The following SPATA6 variants were observed in gnomAD, a reference collection of about 807,000 sequenced individuals.
The protein encoded by SPATA6 is spermatogenesis-associated protein 6.
SPATA6 carries 56 observed loss-of-function variants against 65.3 expected under a neutral mutation model. The observed-to-expected ratio is 0.86, with a 90% CI of 0.69 to 1.07. SPATA6 has a LOEUF of 1.07. Ranked by LOEUF, SPATA6 falls within the 50% of genes least tolerant of loss-of-function variation. SPATA6 has a pLI of 0.00. For missense variants in SPATA6, 590 were observed against 594.8 expected (o/e 0.99, Z 0.08); for synonymous variants, 199 against 213.2 (o/e 0.93, Z 0.58).
At chr1:48,319,592 G>A (rs144509334) in intron 11 of SPATA6, among the ~76,000 whole-genome samples, 25 of 152,262 alleles carry the variant, frequency 1.6e-4, no homozygotes, top group African/African-American at 6.0e-4. Flanking sequence ...AAGCAGGACT[G>A]GCGCAGAGCT....
At position 48,411,510 on chromosome 1, in the gene SPATA6, T is replaced by C. The variant is rs748611294; in HGVS notation, c.359A>G (p.His120Arg). ...FPGPNQMSGH[H>R]DSNRQVTMRR... is the part of the protein sequence containing the mutation. ...CATGGTAACCTGGCGGTTTGAATCA[T>C]GGTGTCCAGACATTTGGTTTGGACC... The change falls in exon 5 of 13, where the codon CAT (histidine) becomes CGT (arginine). Residue 120 changes from histidine to arginine, a missense_variant. His to Arg is a conservative substitution (Grantham distance 29). Transcript: ENST00000371847. 7 of 1,611,170 alleles carry C rather than the reference T, an allele frequency of 4.3e-6. No individual in the cohort carries two copies. The highest frequency in any genetic ancestry group is 5.9e-6 in the Non-Finnish European group (7 of 1,178,702).
At chr1:48,367,574 C>CT (rs1410456693) in intron 9 of SPATA6, among the ~76,000 whole-genome samples, 1 of 152,026 alleles carries the variant, frequency 6.6e-6, no homozygotes, top group Non-Finnish European at 1.5e-5. Flanking sequence ...CTCTTTTGAT[C>CT]TTTGTTGGTT....
intron 1 of SPATA6, among the ~76,000 whole-genome samples, chr1:48,465,963 G>T (rs929443233): frequency 6.6e-6 from 1 of 152,054 alleles, no homozygotes; most frequent in Non-Finnish European, 1.5e-5. Context: ...ATTATAAACA[G>T]GTTTTTCATC....
At chr1:48,291,516 G>A (rs1164287956), downstream of SPATA6, among the ~76,000 whole-genome samples, 5 of 152,270 alleles carry the variant, frequency 3.3e-5, no homozygotes, top group South Asian at 2.1e-4. Context: ...GGGGAAAGTC[G>A]GCAGCCACAG....
intron 8 of SPATA6, among the ~76,000 whole-genome samples, chr1:48,390,641 A>C (rs1216524755): frequency 6.6e-6 from 1 of 152,264 alleles, no homozygotes; most frequent in Non-Finnish European, 1.5e-5. Flanking sequence ...ATCATCACAC[A>C]TTCCACACAA....
chr1:48,277,516 CAGG>C, the SPATA6 span, among the ~76,000 whole-genome samples: 1 of 152,222 alleles, frequency 6.6e-6, no homozygotes, highest in Non-Finnish European at 1.5e-5. Flanking sequence ...AACGGTGCAC[CAGG>C]AGATTATATC....
At chr1:48,399,776 C>G in intron 6 of SPATA6, 132 bp from the exon 7 acceptor site, 2 of 745,426 alleles carry the variant, frequency 2.7e-6, no homozygotes, top group Non-Finnish European at 4.2e-6. Flanking sequence ...TCCTTCCTAT[C>G]TGTGCTGATC....
chr1:48,341,388 T>C (rs1403148553), intron 11 of SPATA6, among the ~76,000 whole-genome samples: 1 of 149,406 alleles, frequency 6.7e-6, no homozygotes, highest in Admixed American at 6.6e-5. Context: ...TCTTATGCTG[T>C]CCTGCTCCGT....
intron 10 of SPATA6, among the ~76,000 whole-genome samples, chr1:48,357,804 T>C (rs939279444): frequency 6.6e-6 from 1 of 152,144 alleles, no homozygotes; most frequent in Non-Finnish European, 1.5e-5. Flanking sequence ...ACAAGATATT[T>C]AGAAAATACA....
intron 11 of SPATA6, among the ~76,000 whole-genome samples, chr1:48,313,633 C>T (rs888493412): frequency 9.9e-5 from 15 of 152,134 alleles, no homozygotes; most frequent in African/African-American, 2.4e-4. Flanking sequence ...GAAACTGCAT[C>T]AACTAATGAG....
At chr1:48,313,577 C>A (rs917002982) in intron 11 of SPATA6, among the ~76,000 whole-genome samples, 2 of 152,294 alleles carry the variant, frequency 1.3e-5, no homozygotes, top group East Asian at 3.9e-4. Context: ...CTGGTACCAG[C>A]CACTGCAAAA....
intron 10 of SPATA6, among the ~76,000 whole-genome samples, chr1:48,356,973 A>C (rs187537110): frequency 6.6e-6 from 1 of 152,282 alleles, no homozygotes. Flanking sequence ...ATACATTAGC[A>C]GACTTTGTTA....
chr1:48,336,417 G>A (rs1472828434), intron 11 of SPATA6, among the ~76,000 whole-genome samples: 1 of 151,884 alleles, frequency 6.6e-6, no homozygotes, highest in Admixed American at 6.6e-5. Context: ...AAGAGAATGT[G>A]GTACATACAT....
intron 9 of SPATA6, among the ~76,000 whole-genome samples, chr1:48,379,623 G>T (rs1481882770): frequency 6.6e-6 from 1 of 152,140 alleles, no homozygotes; most frequent in Non-Finnish European, 1.5e-5. Context: ...ATTTGTCTTA[G>T]CAGAGAAAAT....
chr1:48,336,667 A>G (rs995874297), intron 11 of SPATA6, among the ~76,000 whole-genome samples: 1 of 151,896 alleles, frequency 6.6e-6, no homozygotes, highest in African/African-American at 2.4e-5. Context: ...TTCAAGAAAA[A>G]AAAAAGTCAA....
intron 11 of SPATA6, among the ~76,000 whole-genome samples, chr1:48,332,048 C>T (rs941737051): frequency 5.9e-5 from 9 of 152,060 alleles, no homozygotes; most frequent in Admixed American, 2.0e-4. Context: ...TTTGTTAACA[C>T]GAGACCTACC....
intron 1 of SPATA6, among the ~76,000 whole-genome samples, chr1:48,462,732 A>C (rs1022711420): frequency 1.3e-5 from 2 of 152,164 alleles, no homozygotes; most frequent in Non-Finnish European, 1.5e-5. Context: ...GAAATAACAA[A>C]CATAATAACA....
intron 3 of SPATA6, among the ~76,000 whole-genome samples, chr1:48,450,454 T>C (rs567602446): frequency 2.0e-4 from 30 of 152,248 alleles, no homozygotes; most frequent in South Asian, 1.0e-3. Flanking sequence ...AAAAAAGGCA[T>C]TGTTTTTTAA....
intron 3 of SPATA6, among the ~76,000 whole-genome samples, chr1:48,432,376 A>C (rs1654484877): frequency 6.6e-6 from 1 of 152,202 alleles, no homozygotes; most frequent in Non-Finnish European, 1.5e-5. Context: ...AATGGGAGAA[A>C]ACATTTGCAA....
Sources: gnomAD v4.1 joint callset for allele counts (sites outside exome capture counted in the v4.1 genomes callset) on GRCh38, gnomAD v4.1.1 for gene constraint, MANE v1.5 for transcripts, NCBI Gene and HGNC (gene_info 2026-07-23, HGNC 2026-07-21) for gene names.